Variants in ELOVL7 observed in about 807,000 individuals in gnomAD.
The protein encoded by ELOVL7 is ELOVL fatty acid elongase 7, also known as very long chain fatty acid elongase 7.
A neutral mutation model predicts 35.7 loss-of-function variants in ELOVL7; 27 were observed. The observed-to-expected ratio is 0.76, with a 90% CI of 0.56 to 1.04. ELOVL7 has a LOEUF of 1.04. ELOVL7 is among the 50% of genes least tolerant of loss of function. ELOVL7 has a pLI of 0.00. For missense variants in ELOVL7, 327 were observed against 340.8 expected, an observed-to-expected ratio of 0.96 and a Z score of 0.32; for synonymous variants, 113 against 114.6, an observed-to-expected ratio of 0.99 and a Z score of 0.09.
intron 3 of ELOVL7, among the ~76,000 whole-genome samples, chr5:60,773,900 T>A (rs986835167): frequency 6.6e-6 from 1 of 152,268 alleles, no homozygotes; most frequent in Non-Finnish European, 1.5e-5. Context: ...ATTGCCACGA[T>A]GGGAATGGCA....
intron 3 of ELOVL7, among the ~76,000 whole-genome samples, chr5:60,787,087 A>G (rs1743644469): frequency 6.6e-6 from 1 of 152,166 alleles, no homozygotes; most frequent in Non-Finnish European, 1.5e-5. Flanking sequence ...GTCATCATTT[A>G]TTGATCAGTT....
intron 1 of ELOVL7, chr5:60,843,300 G>T (rs1054928647): frequency 6.6e-6 from 1 of 152,182 alleles, no homozygotes; most frequent in African/African-American, 2.4e-5. Flanking sequence ...CGCTCTGTCC[G>T]CACCGGGTGA....
At chr5:60,788,122 A>ATC (rs1178724399) in intron 2 of ELOVL7, among the ~76,000 whole-genome samples, 1 of 152,232 alleles carries the variant, frequency 6.6e-6, no homozygotes, top group East Asian at 1.9e-4. Flanking sequence ...CGAACGTAAT[A>ATC]GATTAGAATG....
intron 7 of ELOVL7, among the ~76,000 whole-genome samples, chr5:60,760,483 GTTGT>G (rs1379641172): frequency 1.3e-5 from 2 of 152,110 alleles, no homozygotes; most frequent in South Asian, 2.1e-4. Context: ...TTTTGATGGG[GTTGT>G]TTGTTTTCTT....
At chr5:60,766,332 G>A (rs1563519) in intron 6 of ELOVL7, among the ~76,000 whole-genome samples, 41,757 of 152,080 alleles carry the variant, frequency 0.27, 9,545 homozygotes, top group African/African-American at 0.63. Context: ...TGATAGCTAT[G>A]TAACAGAAAC....
intron 1 of ELOVL7, among the ~76,000 whole-genome samples, chr5:60,831,510 G>A (rs1746476917): frequency 6.6e-6 from 1 of 152,196 alleles, no homozygotes; most frequent in Non-Finnish European, 1.5e-5. Flanking sequence ...TCTGTCTAGT[G>A]CTAGAGTATT....
chr5:60,795,218 C>T (rs891638666), intron 2 of ELOVL7, among the ~76,000 whole-genome samples: 1 of 152,020 alleles, frequency 6.6e-6, no homozygotes, highest in African/African-American at 2.4e-5. Flanking sequence ...GTGAAAGCCT[C>T]CCCGAGAGGA....
chr5:60,759,959 GACAT>G (rs1741790595), intron 7 of ELOVL7, among the ~76,000 whole-genome samples: 1 of 152,096 alleles, frequency 6.6e-6, no homozygotes, highest in South Asian at 2.1e-4. Flanking sequence ...CCCTACAAAG[GACAT>G]GAACTCATCA....
rs538429554 is a variant in ELOVL7 at position 60,777,489 on chromosome 5, A to C, written c.65-5396T>G. ...TCAAGCAGAGGTGGCTTATGTTTTA[A>C]AACATCTTACACTTAGACTGCCTTT... On this transcript the variant is annotated intron_variant, in intron 3 of 8. Coordinates refer to ENST00000508821, the MANE Select transcript of ELOVL7 (RefSeq NM_024930.3). Among the ~76,000 whole-genome samples, 87 of 152,216 alleles carry C rather than the reference A, an allele frequency of 5.7e-4. No individual in the cohort carries two copies. The South Asian group carries it at 0.017, about 30-fold the overall frequency.
chr5:60,754,935 T>C lies in ELOVL7; in HGVS notation c.637-102A>G, dbSNP rs540506541. ...CTCCCAAAGTGCAGGGAGTGCACTATTGGGCAAAGAAGTCCATCTTTAAAT... is the reference window on the plus strand; with the variant it reads ...CTCCCAAAGTGCAGGGAGTGCACTACTGGGCAAAGAAGTCCATCTTTAAAT... On this transcript the variant is annotated intron_variant, in intron 8 of 8. Coordinates refer to ENST00000508821, the MANE Select transcript of ELOVL7 (RefSeq NM_024930.3). 9.1e-5 allele frequency: 84 copies of C among 922,498 alleles called. 2 individuals carry two copies. Among genetic ancestry groups the C allele is most frequent in the Admixed American group, 6.5e-4 (26 of 40,160 alleles). The allele number at this position is 922,498 out of a possible 1,614,324, so 57.1% of individuals were successfully genotyped here.
At chr5:60,801,418 A>G (rs559237251) in intron 1 of ELOVL7, among the ~76,000 whole-genome samples, 156 of 152,296 alleles carry the variant, frequency 1.0e-3, no homozygotes, top group African/African-American at 3.6e-3. Flanking sequence ...AACCCTAAAG[A>G]GTACCAGGTG....
At chr5:60,784,235 AC>A (rs1352857930) in intron 3 of ELOVL7, 1 of 896,206 alleles carries the variant, frequency 1.1e-6, no homozygotes, top group Non-Finnish European at 1.6e-6. Context: ...GCAAACATGT[AC>A]CTTAAGTACT....
chr5:60,773,067 T>TCTGCTTA (rs1332512280), intron 3 of ELOVL7, among the ~76,000 whole-genome samples: 6 of 152,176 alleles, frequency 3.9e-5, no homozygotes, highest in African/African-American at 9.7e-5. Flanking sequence ...CAAAAACTTA[T>TCTGCTTA]CTGCTTACTG....
In ELOVL7 at chr5:60,767,856, A is replaced by G. The variant is rs142412675; in HGVS notation, c.303T>C (p.Ile101=). ...CTGTGGGTGACCGTGAATAGTCAAC[A>G]ATGTCACATCGAAATGAATAACCTA... ...WGIGYSFRCD[I]VDYSRSPTAL... Residue 101 remains isoleucine, a synonymous_variant, in exon 5 of 9, where the codon ATT becomes ATC. Transcript: ENST00000508821. 67 of 1,613,884 alleles carry G rather than the reference A, an allele frequency of 4.2e-5. No individual in the cohort carries two copies. In the African/African-American group the frequency reaches 8.8e-4, roughly 21 times the overall value.
intron 1 of ELOVL7, among the ~76,000 whole-genome samples, chr5:60,815,847 T>C (rs1028788282): frequency 1.3e-5 from 2 of 152,168 alleles, no homozygotes; most frequent in Non-Finnish European, 2.9e-5. Context: ...CAAGATGGAA[T>C]AGTAGAGTTA....
chr5:60,783,292 T>C (rs982196590), intron 3 of ELOVL7, among the ~76,000 whole-genome samples: 4 of 152,202 alleles, frequency 2.6e-5, no homozygotes, highest in African/African-American at 9.6e-5. Context: ...AGTCCTAAAA[T>C]TCTTCCTCTG....
intron 6 of ELOVL7, 82 bp from the exon 7 acceptor site, chr5:60,764,414 C>T (rs1742111083): frequency 9.8e-7 from 1 of 1,016,836 alleles, no homozygotes; most frequent in Admixed American, 2.1e-5. Context: ...TGGCAAAGTG[C>T]AAAGTATTTC....
chr5:60,770,134 A>C (rs1742491971), intron 4 of ELOVL7, among the ~76,000 whole-genome samples: 1 of 152,188 alleles, frequency 6.6e-6, no homozygotes, highest in African/African-American at 2.4e-5. Flanking sequence ...CTGACACATA[A>C]GTAACTCAAG....
chr5:60,821,131 C>A (rs1561467307), intron 1 of ELOVL7, among the ~76,000 whole-genome samples: 1 of 152,222 alleles, frequency 6.6e-6, no homozygotes, highest in African/African-American at 2.4e-5. Context: ...CCACTGTACA[C>A]AAGGCCACCA....
Sources: gnomAD v4.1 joint callset for allele counts (sites outside exome capture counted in the v4.1 genomes callset) on GRCh38, gnomAD v4.1.1 for gene constraint, MANE v1.5 for transcripts, NCBI Gene and HGNC (gene_info 2026-07-23, HGNC 2026-07-21) for gene names.